Variants in UMOD observed in about 807,000 individuals in gnomAD.
UMOD encodes uromodulin.
In UMOD, 64 loss-of-function variants were observed where a neutral mutation model predicts 66.0. The observed-to-expected ratio is 0.97, with a 90% CI of 0.79 to 1.19. UMOD has a LOEUF of 1.19. UMOD is among the 50% of genes most tolerant of loss of function. UMOD has a pLI of 0.00. For synonymous variants in UMOD, 398 were observed against 352.7 expected (o/e 1.13, Z -1.44); for missense variants, 764 against 850.9 (o/e 0.90, Z 1.27).
rs924082873 is a variant in UMOD at position 20,343,938 on chromosome 16, T to C, written c.1331+86A>G. The C allele has an allele frequency of 7.9e-6, 12 of 1,527,334 alleles. No individual in the cohort carries two copies. In the African/African-American group the frequency reaches 1.4e-4, roughly 17 times the overall value. 94.6% of individuals were successfully genotyped at this position (1,527,334 alleles called of 1,614,324 possible). On this transcript the variant is annotated intron_variant, in intron 6 of 10. Coordinates refer to ENST00000396138, the MANE Select transcript of UMOD (RefSeq NM_003361.4). ...CCCAGCCCTCACTCCCAGCTCCCTGTGGGTGGCAGTTGACAGGGAAGCTCA... is the reference window on the plus strand; with the variant it reads ...CCCAGCCCTCACTCCCAGCTCCCTGCGGGTGGCAGTTGACAGGGAAGCTCA...
chr16:20,342,671 T>G (rs1965299219), intron 6 of UMOD, among the ~76,000 whole-genome samples: 1 of 152,198 alleles, frequency 6.6e-6, no homozygotes, highest in Non-Finnish European at 1.5e-5. Flanking sequence ...TTTACAGCTT[T>G]GGGTAAGTCA....
chr16:20,350,047 C>T (rs1409953435), intron 2 of UMOD, among the ~76,000 whole-genome samples: 3 of 152,094 alleles, frequency 2.0e-5, no homozygotes, highest in Non-Finnish European at 4.4e-5. Flanking sequence ...GACTGAGGTT[C>T]AGAGGGATTA....
Position 20,333,364 on chromosome 16 carries a change from C to A in UMOD, c.1873G>T (p.Val625Phe). The A allele has an allele frequency of 6.2e-7, 1 of 1,612,894 alleles. No homozygotes were observed. The highest frequency in any genetic ancestry group is 8.5e-7 in the Non-Finnish European group (1 of 1,179,534). Residue 625 changes from valine (V) to phenylalanine (F), a missense_variant, in exon 11 of 11, where the codon GTC (valine) becomes TTC (phenylalanine). By Grantham distance (50) the Val-to-Phe change is conservative (BLOSUM62 -1). Coordinates refer to ENST00000396138, the MANE Select transcript of UMOD (RefSeq NM_003361.4). Reference protein sequence around the residue: ...RAFSSLGLLKVWLPLLLSATL... With the variant: ...RAFSSLGLLKFWLPLLLSATL... ...GCCGAGAGAAGCAGAGGCAGCCAGACTTTCAGGAGCCCTGAAAAGAAAACA... is the reference window on the plus strand; with the variant it reads ...GCCGAGAGAAGCAGAGGCAGCCAGAATTTCAGGAGCCCTGAAAAGAAAACA...
At chr16:20,337,599 C>A (rs1249448946) in intron 7 of UMOD, 146 bp from the exon 8 acceptor site, 3 of 960,824 alleles carry the variant, frequency 3.1e-6, no homozygotes, top group African/African-American at 3.2e-5. Context: ...ATTTCTCCAT[C>A]TGTACATAAG....
Position 20,335,575 on chromosome 16 carries a change from C to T in UMOD, c.1823-55G>A, listed in dbSNP as rs1018016159. 3.3e-5 allele frequency: 52 copies of T among 1,567,598 alleles called. 2 individuals carry two copies. In the Admixed American group the frequency reaches 8.0e-4, roughly 24 times the overall value. ...TAAAGAATGCATGAGATTTGGCAAG[C>T]ATCCTGACAGAAACCCCTTCAATCT... On this transcript the variant is annotated intron_variant, in intron 9 of 10. Coordinates refer to ENST00000396138, the MANE Select transcript of UMOD (RefSeq NM_003361.4).
At chr16:20,333,717 A>T (rs1385948859) in intron 10 of UMOD, among the ~76,000 whole-genome samples, 1 of 152,140 alleles carries the variant, frequency 6.6e-6, no homozygotes, top group African/African-American at 2.4e-5. Flanking sequence ...GCTCACCAGC[A>T]CTGGGCTGAA....
chr16:20,347,195 G>T (rs1313195869), intron 4 of UMOD, among the ~76,000 whole-genome samples: 2 of 152,142 alleles, frequency 1.3e-5, no homozygotes, highest in Non-Finnish European at 2.9e-5. Context: ...CCTAGTTTTT[G>T]TATTTTTAGT....
intron 4 of UMOD, among the ~76,000 whole-genome samples, 163 bp from the exon 5 acceptor site, chr16:20,346,497 G>A (rs1051123135): frequency 6.6e-6 from 1 of 152,192 alleles, no homozygotes; most frequent in African/African-American, 2.4e-5. Context: ...ACTCAAGATT[G>A]GACCTCTGAC....
rs1213889129 is a variant in UMOD, at chr16:20,348,222, C to T, written c.973+1G>A. The T allele has an allele frequency of 8.1e-6, 13 of 1,613,712 alleles. No homozygotes were observed. Among genetic ancestry groups the T allele is most frequent in the Non-Finnish European group, 1.1e-5 (13 of 1,179,878 alleles). ...ACCCGCTTCCTCCCCACTGGCCTCA[C>T]CAGTGATGTTGAAGTCCTGTTTGCA... On this transcript the variant is annotated splice_donor_variant, in intron 4 of 10. Transcript: ENST00000396138. LOFTEE classifies it high-confidence loss of function.
Position 20,352,702 on chromosome 16 carries a change from G to A in UMOD, c.-116C>T. ...AGATAGCCTTACCTGAAGCCAGAAA[G>A]GTAGAGTTAGTCTGGTCATGATGTG... On this transcript the variant is annotated 5_prime_UTR_variant, in exon 1 of 11. Coordinates refer to ENST00000396138, the MANE Select transcript of UMOD (RefSeq NM_003361.4). The A allele has an allele frequency of 1.6e-6, 2 of 1,231,678 alleles. No homozygotes were observed. Among genetic ancestry groups the A allele is most frequent in the Non-Finnish European group, 2.0e-6 (2 of 987,976 alleles). The allele number at this position is 1,231,678 out of a possible 1,614,324, so 76.3% of individuals were successfully genotyped here. A position where few individuals can be genotyped will look rare whatever the true frequency, so the allele number is the denominator to read the frequency against.
chr16:20,348,374 C>CCCCGT (rs748789523), intron 3 of UMOD, 44 bp from the exon 4 acceptor site: 5 of 1,613,650 alleles, frequency 3.1e-6, no homozygotes, highest in Non-Finnish European at 4.2e-6. Context: ...AAGGACGCAC[C>CCCCGT]CCCGTCCTCT....
At chr16:20,354,702 A>G (rs1260894483), upstream of UMOD, among the ~76,000 whole-genome samples, 1 of 152,142 alleles carries the variant, frequency 6.6e-6, no homozygotes, top group Non-Finnish European at 1.5e-5. Context: ...GAATCTATTC[A>G]TAAGTGTAAT....
rs758135789 is a variant in UMOD at position 20,336,692 on chromosome 16, G to A, written c.1776C>T (p.Val592=). Residue 592 remains valine, a synonymous_variant, in exon 9 of 11, where the codon GTC becomes GTT. Transcript: ENST00000396138. ...AGTTCAGGACACGGGATTGATCTAT[G>A]ACACTCCCACTTCGGAATCTGGTCC... ...CSGTRFRSGS[V]IDQSRVLNLG... 1.4e-5 allele frequency: 23 copies of A among 1,614,000 alleles called. No individual in the cohort carries two copies. Among genetic ancestry groups the A allele is most frequent in the Admixed American group, 1.2e-4 (7 of 60,006 alleles).
chr16:20,350,277 A>G (rs1489465176), intron 2 of UMOD, among the ~76,000 whole-genome samples: 2 of 152,146 alleles, frequency 1.3e-5, no homozygotes, highest in Admixed American at 6.5e-5. Context: ...ATGGGTTCAA[A>G]TCTCCTATGT....
In UMOD at chr16:20,350,802, C is replaced by T. The variant is rs189658297; in HGVS notation, c.-65G>A. On this transcript the variant is annotated 5_prime_UTR_variant, in exon 2 of 11. Coordinates refer to ENST00000396138, the MANE Select transcript of UMOD (RefSeq NM_003361.4). The stretch of plus-strand genomic sequence containing the variant: ...CTGCCCAAAGGAAAGACGGGTTGGC[C>T]CTTTGAATTTTTCTCTCTGTCTCTG... 12 of 1,606,948 alleles carry T rather than the reference C, an allele frequency of 7.5e-6. No individual in the cohort carries two copies. Among genetic ancestry groups the T allele is most frequent in the Non-Finnish European group, 1.0e-5 (12 of 1,176,742 alleles).
intron 5 of UMOD, among the ~76,000 whole-genome samples, 163 bp from the exon 6 acceptor site, chr16:20,344,335 G>A (rs1965416100): frequency 6.6e-6 from 1 of 152,142 alleles, no homozygotes; most frequent in Admixed American, 6.5e-5. Context: ...GGGCGCATTA[G>A]CTCACGCTTG....
At chr16:20,344,725 C>A (rs994945511) in intron 5 of UMOD, among the ~76,000 whole-genome samples, 10 of 152,102 alleles carry the variant, frequency 6.6e-5, no homozygotes, top group African/African-American at 2.2e-4. Context: ...ACCATTCATG[C>A]GCATATGTCA....
chr16:20,338,344 T>C (rs540079892), intron 7 of UMOD, among the ~76,000 whole-genome samples: 2 of 152,298 alleles, frequency 1.3e-5, no homozygotes, highest in African/African-American at 4.8e-5. Flanking sequence ...CCTCTTTTCA[T>C]GCCTTGTGAT....
chr16:20,335,201 G>A (rs1412892276), intron 10 of UMOD, among the ~76,000 whole-genome samples: 2 of 152,170 alleles, frequency 1.3e-5, no homozygotes, highest in Admixed American at 1.3e-4. Context: ...TGCCCAAGAT[G>A]CAGATCTGGA....
Sources: gnomAD v4.1 joint callset for allele counts (sites outside exome capture counted in the v4.1 genomes callset) on GRCh38, gnomAD v4.1.1 for gene constraint, MANE v1.5 for transcripts, NCBI Gene and HGNC (gene_info 2026-07-23, HGNC 2026-07-21) for gene names.